The following DAB1 variants were observed in gnomAD, a reference collection of about 807,000 sequenced individuals.
DAB1 encodes DAB adaptor protein 1.
In DAB1, 15 loss-of-function variants were observed where a neutral mutation model predicts 64.6. The ratio of observed to expected loss-of-function variants is 0.23; its 90% CI spans 0.16 to 0.36. The LOEUF (loss-of-function observed/expected upper bound fraction) is 0.36, where lower values mean the gene tolerates loss of function less well. DAB1 is among the 10% of genes least tolerant of loss of function. The pLI is 1.00. For missense variants in DAB1, 596 were observed against 706.7 expected (o/e 0.84, Z 1.78); for synonymous variants, 235 against 251.9 (o/e 0.93, Z 0.64).
At chr1:57,802,941 T>C (rs554225527) in intron 6 of DAB1, among the ~76,000 whole-genome samples, 163 of 152,332 alleles carry the variant, frequency 1.1e-3, no homozygotes, top group African/African-American at 3.8e-3. Flanking sequence ...TTTCTAGGTC[T>C]ACTTGTTTGC....
intron 1 of DAB1, among the ~76,000 whole-genome samples, chr1:57,865,998 G>A (rs1654284859): frequency 6.6e-6 from 1 of 152,136 alleles, no homozygotes; most frequent in Non-Finnish European, 1.5e-5. Context: ...TCCTCACATG[G>A]TGGAGGGAGC....
chr1:57,849,433 A>C (rs1653425000), intron 1 of DAB1, among the ~76,000 whole-genome samples: 1 of 152,196 alleles, frequency 6.6e-6, no homozygotes. Context: ...AACAAAATAA[A>C]GCAAAGAGAG....
intron 6 of DAB1, among the ~76,000 whole-genome samples, chr1:57,742,962 G>A (rs749818948): frequency 2.8e-4 from 43 of 152,140 alleles, no homozygotes; most frequent in Non-Finnish European, 5.4e-4. Flanking sequence ...ATTGTGTGCC[G>A]CTGTATACAC....
chr1:58,051,231 A>T (rs548249323), intron 5 of DAB1, among the ~76,000 whole-genome samples: 2 of 150,296 alleles, frequency 1.3e-5, no homozygotes, highest in East Asian at 4.0e-4. Flanking sequence ...CCAGTATATG[A>T]TGTTCCCTGC....
At chr1:58,386,127 G>T (rs1030101888) in intron 3 of DAB1, among the ~76,000 whole-genome samples, 14 of 152,182 alleles carry the variant, frequency 9.2e-5, no homozygotes, top group African/African-American at 2.9e-4. Flanking sequence ...GTAACAGAGG[G>T]CCAAAGAGTT....
intron 5 of DAB1, among the ~76,000 whole-genome samples, chr1:57,904,984 T>C (rs1014683646): frequency 1.3e-5 from 2 of 152,202 alleles, no homozygotes; most frequent in African/African-American, 2.4e-5. Flanking sequence ...ATGGTAATTA[T>C]AGCTAATGAT....
intron 5 of DAB1, among the ~76,000 whole-genome samples, chr1:57,933,547 T>C (rs1278763315): frequency 6.6e-6 from 1 of 152,220 alleles, no homozygotes; most frequent in African/African-American, 2.4e-5. Flanking sequence ...TATCCATATA[T>C]TGCATGTATC....
At chr1:58,403,265 G>A (rs1486161425) in intron 3 of DAB1, among the ~76,000 whole-genome samples, 2 of 148,502 alleles carry the variant, frequency 1.3e-5, no homozygotes, top group African/African-American at 2.5e-5. Context: ...TTTTGCTTAA[G>A]CTAACCAAAA....
intron 5 of DAB1, among the ~76,000 whole-genome samples, chr1:57,919,612 G>A (rs1269907992): frequency 1.3e-5 from 2 of 152,106 alleles, no homozygotes; most frequent in East Asian, 3.8e-4. Context: ...TGACCCTAAG[G>A]GACAAAGAAT....
chr1:58,258,291 T>G (rs1227071620), intron 4 of DAB1, among the ~76,000 whole-genome samples: 1 of 152,218 alleles, frequency 6.6e-6, no homozygotes, highest in Non-Finnish European at 1.5e-5. Flanking sequence ...GCCTCCCTAC[T>G]GCTCAGTTGT....
intron 5 of DAB1, among the ~76,000 whole-genome samples, chr1:58,015,466 A>G (rs573130551): frequency 2.6e-5 from 4 of 151,838 alleles, no homozygotes; most frequent in Admixed American, 6.6e-5. Context: ...TGATTATGCT[A>G]CCTTTGGCCT....
chr1:57,410,857 A>G (rs1444817370), intron 1 of DAB1, among the ~76,000 whole-genome samples: 1 of 152,222 alleles, frequency 6.6e-6, no homozygotes, highest in African/African-American at 2.4e-5. Flanking sequence ...CTAGTACTGT[A>G]TATATTTTCA....
chr1:57,000,786 C>G (rs983293523), intron 14 of DAB1, among the ~76,000 whole-genome samples: 1 of 152,164 alleles, frequency 6.6e-6, no homozygotes, highest in Non-Finnish European at 1.5e-5. Flanking sequence ...AGTCAGGCTG[C>G]CTTGATCTCA....
chr1:58,498,945 T>G (rs1243547927), intron 3 of DAB1, among the ~76,000 whole-genome samples: 1 of 152,096 alleles, frequency 6.6e-6, no homozygotes, highest in Non-Finnish European at 1.5e-5. Flanking sequence ...AATTAAAAAT[T>G]AAGGCCACCT....
At chr1:57,828,357 C>T (rs1281402131) in intron 1 of DAB1, among the ~76,000 whole-genome samples, 4 of 152,282 alleles carry the variant, frequency 2.6e-5, no homozygotes, top group Non-Finnish European at 4.4e-5. Context: ...TTTAAAACTC[C>T]TGCTTTTTCC....
intron 1 of DAB1, among the ~76,000 whole-genome samples, chr1:57,850,711 C>A (rs958163601): frequency 6.6e-6 from 1 of 152,184 alleles, no homozygotes; most frequent in Non-Finnish European, 1.5e-5. Context: ...ATGTGATACA[C>A]TCTGACACTC....
intron 1 of DAB1, among the ~76,000 whole-genome samples, chr1:57,372,606 A>G (rs1377670576): frequency 6.6e-6 from 1 of 152,192 alleles, no homozygotes; most frequent in African/African-American, 2.4e-5. Context: ...AAGCTCCATA[A>G]AAGGATTTTC....
chr1:58,046,900 G>T (rs1442512723), intron 5 of DAB1, among the ~76,000 whole-genome samples: 1 of 152,170 alleles, frequency 6.6e-6, no homozygotes, highest in African/African-American at 2.4e-5. Flanking sequence ...GAGTGGAGAA[G>T]AACTGATTTT....
At chr1:56,999,329 T>C (rs1300647341) in intron 14 of DAB1, among the ~76,000 whole-genome samples, 1 of 152,196 alleles carries the variant, frequency 6.6e-6, no homozygotes, top group Non-Finnish European at 1.5e-5. Flanking sequence ...CTAGTAAGTC[T>C]AGAGACATGA....
Sources: gnomAD v4.1 joint callset for allele counts (sites outside exome capture counted in the v4.1 genomes callset) on GRCh38, gnomAD v4.1.1 for gene constraint, MANE v1.5 for transcripts, NCBI Gene and HGNC (gene_info 2026-07-23, HGNC 2026-07-21) for gene names.